RLF: variants seen among roughly 807,000 people sequenced by gnomAD.
RLF encodes RLF zinc finger.
RLF carries 7 observed loss-of-function variants against 162.9 expected under a neutral mutation model. The observed-to-expected ratio is 0.04, with a 90% CI of 0.02 to 0.08. The LOEUF (loss-of-function observed/expected upper bound fraction) is 0.08, where lower values mean the gene tolerates loss of function less well. Among genes scored for constraint, RLF ranks in the 10% least tolerant of loss-of-function variants. RLF has a pLI of 1.00. For missense variants in RLF, 1,664 were observed against 2,244.7 expected, an observed-to-expected ratio of 0.74 and a Z score of 5.23; for synonymous variants, 782 against 791.5, an observed-to-expected ratio of 0.99 and a Z score of 0.20.
chr1:40,190,933 C>A, intron 3 of RLF, 80 bp downstream of exon 3: 2 of 791,894 alleles, frequency 2.5e-6, no homozygotes, highest in Non-Finnish European at 2.0e-6. Context: ...AAATTGGAAC[C>A]TTAGAACAAA....
intron 1 of RLF, among the ~76,000 whole-genome samples, chr1:40,163,843 G>A (rs945014679): frequency 3.9e-5 from 6 of 152,056 alleles, no homozygotes; most frequent in South Asian, 2.1e-4. Context: ...GAAAATTTGT[G>A]TACAAGTCTT....
chr1:40,188,371 C>T (rs927440074), intron 1 of RLF, among the ~76,000 whole-genome samples: 8 of 152,184 alleles, frequency 5.3e-5, no homozygotes, highest in Non-Finnish European at 1.5e-5. Context: ...CAGATAACTT[C>T]TCAGATGCCA....
intron 1 of RLF, among the ~76,000 whole-genome samples, chr1:40,185,826 CAAAAAAAAAAAAAAAGCA>C (rs1642470815): frequency 6.6e-5 from 2 of 30,310 alleles, no homozygotes; most frequent in South Asian, 2.5e-3. Context: ...GAGACTGTCT[CAAAAAAAAAAAAAAAGCA>C]AAAAAAAAAA....
chr1:40,231,176 G>A (rs1643147615), intron 6 of RLF, among the ~76,000 whole-genome samples: 1 of 152,210 alleles, frequency 6.6e-6, no homozygotes, highest in Non-Finnish European at 1.5e-5. Flanking sequence ...TTAGGACAGG[G>A]CTTAATTCAA....
At chr1:40,231,801 T>C in intron 7 of RLF, 143 bp downstream of exon 7, 2 of 684,642 alleles carry the variant, frequency 2.9e-6, no homozygotes, top group Non-Finnish European at 4.6e-6. Flanking sequence ...CATCTGACTG[T>C]TTCTCCAGAT....
chr1:40,220,989 AG>A (rs1234524994), intron 5 of RLF, among the ~76,000 whole-genome samples: 1 of 150,038 alleles, frequency 6.7e-6, no homozygotes, highest in East Asian at 2.0e-4. Flanking sequence ...AAAAAAAAAA[AG>A]GTGTGGTGGT....
Position 40,161,625 on chromosome 1 carries a change from A to T in RLF, c.226A>T (p.Ser76Cys). ...SEVSSLNYCR[S>C]FCQTLLQYAS... ...GGTCTCATCTTTGAACTACTGCCGG[A>T]GCTTCTGCCAGGTGAGGGGCTGACT... The change falls in exon 1 of 8, where the codon AGC (serine) becomes TGC (cysteine). Residue 76 changes from serine to cysteine, a missense_variant. Ser to Cys is a moderately radical substitution (Grantham distance 112, BLOSUM62 -1). Around this residue, in one of 15 missense-constraint regions of RLF, gnomAD observed 134 missense variants for 124.3 expected, o/e 1.08. Coordinates refer to ENST00000372771, the MANE Select transcript of RLF (RefSeq NM_012421.4). This position sits in a 1 kb window ranked among gnomAD's most constrained non-coding sequence, Gnocchi z 4.4. The T allele has an allele frequency of 6.2e-7, 1 of 1,611,890 alleles. No homozygotes were observed. The highest frequency in any genetic ancestry group is 8.5e-7 in the Non-Finnish European group (1 of 1,179,202).
chr1:40,178,111 A>C (rs2124528963), intron 1 of RLF, among the ~76,000 whole-genome samples: 2 of 152,048 alleles, frequency 1.3e-5, no homozygotes, highest in African/African-American at 4.8e-5. Flanking sequence ...TATGAGTGTT[A>C]TATAAATATA....
chr1:40,190,126 A>G (rs1642536372), intron 2 of RLF, among the ~76,000 whole-genome samples: 2 of 152,126 alleles, frequency 1.3e-5, no homozygotes, highest in South Asian at 2.1e-4. Flanking sequence ...TACCTATTGT[A>G]ATCCCTAAGG....
At chr1:40,168,036 CT>C (rs1485027588) in intron 1 of RLF, among the ~76,000 whole-genome samples, 1 of 147,912 alleles carries the variant, frequency 6.8e-6, no homozygotes, top group African/African-American at 2.6e-5. Context: ...GCCTGGGCAA[CT>C]CTACAAAAAA....
chr1:40,237,971 C>A lies in RLF; in HGVS notation c.3269C>A (p.Ser1090Tyr). The change falls in exon 8 of 8, where the codon TCC (serine) becomes TAC (tyrosine). Residue 1090 changes from serine (S) to tyrosine (Y), a missense_variant. Around this residue, in one of 15 missense-constraint regions of RLF, gnomAD observed 295 missense variants for 317.4 expected, o/e 0.93. Transcript: ENST00000372771. The surrounding 1 kb of genome is among the most constrained non-coding windows in gnomAD (Gnocchi z 4.4). Reference protein sequence around the residue: ...SFSGSLQGYPSSGAKSLQSVS... With the variant: ...SFSGSLQGYPYSGAKSLQSVS... ...TCAGGGTCATTGCAGGGGTACCCATCCAGTGGTGCTAAGTCTCTTCAGTCA... is the reference window on the plus strand; with the variant it reads ...TCAGGGTCATTGCAGGGGTACCCATACAGTGGTGCTAAGTCTCTTCAGTCA... The A allele has an allele frequency of 6.2e-7, 1 of 1,614,108 alleles. No homozygotes were observed.
At chr1:40,175,345 GATTTCACTTAAA>G (rs1277333916) in intron 1 of RLF, among the ~76,000 whole-genome samples, 2 of 151,894 alleles carry the variant, frequency 1.3e-5, no homozygotes, top group African/African-American at 4.8e-5. Context: ...AACCTAACAA[GATTTCACTTAAA>G]ATTCTCATTC....
intron 5 of RLF, among the ~76,000 whole-genome samples, chr1:40,217,295 A>C (rs957547205): frequency 6.6e-6 from 1 of 152,046 alleles, no homozygotes; most frequent in Non-Finnish European, 1.5e-5. Flanking sequence ...ATGAAACTCC[A>C]TCTCTACAAA....
chr1:40,191,336 G>A (rs747379758), intron 3 of RLF, among the ~76,000 whole-genome samples: 12 of 152,232 alleles, frequency 7.9e-5, no homozygotes, highest in African/African-American at 2.4e-4. Flanking sequence ...TCAGGAGTTC[G>A]AGACCAGCTT....
intron 5 of RLF, among the ~76,000 whole-genome samples, chr1:40,209,050 A>G (rs1642834806): frequency 6.6e-6 from 1 of 152,198 alleles, no homozygotes; most frequent in Non-Finnish European, 1.5e-5. Flanking sequence ...TGGTTCTTAA[A>G]GTAGACTTGT....
intron 1 of RLF, among the ~76,000 whole-genome samples, chr1:40,186,614 A>G (rs1477087321): frequency 6.6e-6 from 1 of 152,124 alleles, no homozygotes; most frequent in African/African-American, 2.4e-5. Context: ...CTCTTTGCAT[A>G]CTTTAGTTAG....
intron 6 of RLF, among the ~76,000 whole-genome samples, chr1:40,230,126 A>AG (rs1221635233): frequency 5.3e-5 from 8 of 152,026 alleles, no homozygotes; most frequent in Middle Eastern, 3.4e-3. Context: ...AAAAAAAAAA[A>AG]AAGAAGAAAA....
chr1:40,162,175 T>G (rs549210943), intron 1 of RLF, among the ~76,000 whole-genome samples: 1 of 151,650 alleles, frequency 6.6e-6, no homozygotes, highest in Non-Finnish European at 1.5e-5. Context: ...GTTGGTTGTT[T>G]GGTTTTTGCT....
In RLF at chr1:40,240,772, A is replaced by G. The variant is rs878966156; in HGVS notation, c.*325A>G. 8.4e-6 allele frequency: 2 copies of G among 238,138 alleles called. No homozygotes were observed. The highest frequency in any genetic ancestry group is 8.2e-6 in the Non-Finnish European group (1 of 121,574). 14.8% of individuals were successfully genotyped at this position (238,138 alleles called of 1,614,324 possible). A position where few individuals can be genotyped will look rare whatever the true frequency, so the allele number is the denominator to read the frequency against. ...CATGATTGTATATGGAACAAATACT[A>G]AGGTCCCAGGGTGGGAGGGCTAGGG... On this transcript the variant is annotated 3_prime_UTR_variant, in exon 8 of 8. Transcript: ENST00000372771.
Sources: allele counts gnomAD v4.1 joint callset (sites outside exome capture counted in the v4.1 genomes callset), GRCh38; gene constraint gnomAD v4.1.1; regional missense constraint gnomAD v4.1.1; non-coding constraint Gnocchi (gnomAD v3.1); transcripts MANE v1.5; gene names NCBI Gene and HGNC (gene_info 2026-07-23, HGNC 2026-07-21).